APPBP2: variants seen among roughly 807,000 people sequenced by gnomAD.
APPBP2 encodes the protein amyloid protein-binding protein 2.
Under a neutral mutation model 76.0 loss-of-function variants are expected in APPBP2, and 15 were observed. That is an observed-to-expected ratio of 0.20 (90% CI 0.13 to 0.30). The LOEUF (loss-of-function observed/expected upper bound fraction) is 0.30, where lower values mean the gene tolerates loss of function less well. Ranked by LOEUF, APPBP2 falls within the 10% of genes least tolerant of loss-of-function variation. The pLI, the probability that APPBP2 is intolerant of heterozygous loss-of-function variation, is 1.00. For synonymous variants in APPBP2, 222 were observed against 242.2 expected (o/e 0.92, Z 0.77); for missense variants, 401 against 687.2 (o/e 0.58, Z 4.66).
chr17:60,447,843 A>G lies in APPBP2; in HGVS notation c.1505-9T>C. 6.4e-7 allele frequency: 1 copy of G among 1,557,080 alleles called. No homozygotes were observed. The highest frequency in any genetic ancestry group is 8.7e-7 in the Non-Finnish European group (1 of 1,155,744). On this transcript the variant is annotated splice_polypyrimidine_tract_variant and intron_variant, in intron 12 of 12. Coordinates refer to ENST00000083182, the MANE Select transcript of APPBP2 (RefSeq NM_006380.5). ...ACCAAAAAGTTTCTTCCCTGTAACA[A>G]AAAAGAAAAAGGAAAAAAAAAAAAG...
intron 3 of APPBP2, among the ~76,000 whole-genome samples, chr17:60,480,314 A>C (rs1285532154): frequency 6.6e-6 from 1 of 152,124 alleles, no homozygotes; most frequent in Non-Finnish European, 1.5e-5. Flanking sequence ...CAGAGGCTGC[A>C]GTGAGCGGAG....
At chr17:60,483,615 G>C (rs1019909460) in intron 3 of APPBP2, among the ~76,000 whole-genome samples, 19 of 151,944 alleles carry the variant, frequency 1.3e-4, no homozygotes, top group African/African-American at 1.2e-4. Flanking sequence ...GGATGGTCTC[G>C]ATCTCCCGAC....
At chr17:60,522,704 T>C (rs2091019918) in intron 1 of APPBP2, among the ~76,000 whole-genome samples, 1 of 152,046 alleles carries the variant, frequency 6.6e-6, no homozygotes, top group Admixed American at 6.6e-5. Context: ...TTATGCACGG[T>C]GAAGGAGGAA....
chr17:60,523,891 T>C (rs2091029539), intron 1 of APPBP2, among the ~76,000 whole-genome samples: 2 of 152,210 alleles, frequency 1.3e-5, no homozygotes, highest in African/African-American at 2.4e-5. Context: ...ATTAAATTAC[T>C]TAACTTTCTC....
chr17:60,447,345 T>C lies in APPBP2; in HGVS notation c.*236A>G, dbSNP rs553704050. ...AAAGATTTCCTGTTGTTTGTTCTAC[T>C]AGGTTGAAAATGTGGGCCAGACTAC... On this transcript the variant is annotated 3_prime_UTR_variant, in exon 13 of 13. Transcript: ENST00000083182. 1.3e-5 allele frequency: 5 copies of C among 385,972 alleles called. No homozygotes were observed. Among genetic ancestry groups the C allele is most frequent in the Admixed American group, 4.3e-5 (1 of 23,300 alleles). The allele number at this position is 385,972 out of a possible 1,614,324, so 23.9% of individuals were successfully genotyped here. A position where few individuals can be genotyped will look rare whatever the true frequency, so the allele number is the denominator to read the frequency against.
At chr17:60,452,117 A>T in intron 11 of APPBP2, 72 bp from the exon 12 acceptor site, 1 of 1,437,154 alleles carries the variant, frequency 7.0e-7, no homozygotes, top group African/African-American at 1.4e-5. Flanking sequence ...AATGAGCAAA[A>T]CTGATCTAAA....
At position 60,526,151 on chromosome 17, in the gene APPBP2, G is replaced by A; in HGVS notation, c.-220C>T. On this transcript the variant is annotated 5_prime_UTR_variant, in exon 1 of 13. Coordinates refer to ENST00000083182, the MANE Select transcript of APPBP2 (RefSeq NM_006380.5). ...GTAAAAAGTGGGACAGAAAACAGCG[G>A]CCAGCCAGGCCAAAAGCGTCACAAT... 1.8e-6 allele frequency: 1 copy of A among 552,672 alleles called. No individual in the cohort carries two copies. Among genetic ancestry groups the A allele is most frequent in the Non-Finnish European group, 3.3e-6 (1 of 307,650 alleles). The allele number at this position is 552,672 out of a possible 1,614,324, so 34.2% of individuals were successfully genotyped here.
At chr17:60,456,528 C>T (rs1240472794) in intron 9 of APPBP2, 147 bp from the exon 10 acceptor site, 1 of 618,192 alleles carries the variant, frequency 1.6e-6, no homozygotes. Context: ...TTTTAAATTT[C>T]CAATCTGTTG....
At chr17:60,483,602 C>A (rs1180544401) in intron 3 of APPBP2, among the ~76,000 whole-genome samples, 2 of 152,078 alleles carry the variant, frequency 1.3e-5, no homozygotes, top group African/African-American at 4.8e-5. Context: ...ACCATGTTAG[C>A]CAGGATGGTC....
chr17:60,475,721 T>C (rs2090585877), intron 4 of APPBP2, among the ~76,000 whole-genome samples: 1 of 147,152 alleles, frequency 6.8e-6, no homozygotes. Flanking sequence ...AGTCCAGTAG[T>C]TCAAGAAGTT....
rs563165586 is a variant in APPBP2 at position 60,493,561 on chromosome 17, T to C, written c.379+905A>G. ...GTTGCCCAGGCTGGTCTCGAACTCC[T>C]GGGCTCAAGTGATCCTGCCACCTCA... On this transcript the variant is annotated intron_variant, in intron 3 of 12. Transcript: ENST00000083182. Among the ~76,000 whole-genome samples the C allele has an allele frequency of 9.7e-4, 148 of 152,174 alleles. 1 individual carries two copies. Among genetic ancestry groups the C allele is most frequent in the Non-Finnish European group, 1.6e-3 (110 of 67,976 alleles).
chr17:60,457,709 C>T (rs796203369), intron 9 of APPBP2, among the ~76,000 whole-genome samples: 2 of 152,330 alleles, frequency 1.3e-5, no homozygotes, highest in African/African-American at 2.4e-5. Context: ...GGAGTACAGG[C>T]GTGGGCCACC....
chr17:60,485,242 CCT>C (rs1180820285), intron 3 of APPBP2, among the ~76,000 whole-genome samples: 1 of 151,724 alleles, frequency 6.6e-6, no homozygotes, highest in African/African-American at 2.4e-5. Context: ...GGGAGAGTTC[CCT>C]CTCTATTGAT....
In APPBP2 at chr17:60,446,912, T is replaced by A. The variant is rs2090351829; in HGVS notation, c.*669A>T. The A allele has an allele frequency of 6.6e-6, 1 of 152,224 alleles. No homozygotes were observed. Among genetic ancestry groups the A allele is most frequent in the African/African-American group, 2.4e-5 (1 of 41,254 alleles). 9.4% of individuals were successfully genotyped at this position (152,224 alleles called of 1,614,324 possible). Reference sequence around the variant, plus strand: ...CAAATGCTATCAGAGCATCTTGCATTGTTGTACCAAAAAAAAAAAAGTCAG... The same window carrying A: ...CAAATGCTATCAGAGCATCTTGCATAGTTGTACCAAAAAAAAAAAAGTCAG... On this transcript the variant is annotated 3_prime_UTR_variant, in exon 13 of 13. Transcript: ENST00000083182.
rs1052101569 is a variant in APPBP2 at position 60,445,763 on chromosome 17, A to C, written c.*1818T>G. ...CAAGTACGTCAATTTACTCTTTCCA[A>C]AATTTAAAAAGAAAATAATTCGATT... On this transcript the variant is annotated 3_prime_UTR_variant, in exon 13 of 13. Coordinates refer to ENST00000083182, the MANE Select transcript of APPBP2 (RefSeq NM_006380.5). 1.3e-5 allele frequency: 2 copies of C among 152,178 alleles called. No individual in the cohort carries two copies. The highest frequency in any genetic ancestry group is 2.9e-5 in the Non-Finnish European group (2 of 68,032). The allele number at this position is 152,178 out of a possible 1,614,324, so 9.4% of individuals were successfully genotyped here. A position where few individuals can be genotyped will look rare whatever the true frequency, so the allele number is the denominator to read the frequency against.
At position 60,468,992 on chromosome 17, in the gene APPBP2, A is replaced by C. The variant is rs968622879; in HGVS notation, c.504-2533T>G. On this transcript the variant is annotated intron_variant, in intron 4 of 12. Transcript: ENST00000083182. ...AGAGCCTCATCAGCCAGACATGACG[A>C]AAGTAAAATACACTGAAAGTGAACC... Among the ~76,000 whole-genome samples the C allele has an allele frequency of 2.6e-5, 4 of 152,208 alleles. No homozygotes were observed. The South Asian group carries it at 6.2e-4, about 24-fold the overall frequency.
intron 1 of APPBP2, among the ~76,000 whole-genome samples, chr17:60,518,122 A>G (rs2090977675): frequency 7.0e-6 from 1 of 143,228 alleles, no homozygotes; most frequent in African/African-American, 2.6e-5. Context: ...CAGTAGCATG[A>G]TCTTGGCTCA....
Position 60,526,066 on chromosome 17 carries a change from C to G in APPBP2, c.-135G>C, listed in dbSNP as rs1182555446. On this transcript the variant is annotated 5_prime_UTR_variant, in exon 1 of 13. Coordinates refer to ENST00000083182, the MANE Select transcript of APPBP2 (RefSeq NM_006380.5). ...CCACGCGGGCGCACGGCAGAAGGCA[C>G]GGCCGCCCTGCCTCCTCCGGGGGCA... is the stretch of plus-strand genomic sequence containing the variant. 6.1e-6 allele frequency: 5 copies of G among 825,468 alleles called. No individual in the cohort carries two copies. The highest frequency in any genetic ancestry group is 3.5e-5 in the African/African-American group (2 of 57,452). The allele number at this position is 825,468 out of a possible 1,614,324, so 51.1% of individuals were successfully genotyped here.
chr17:60,521,932 C>G (rs73330245), intron 1 of APPBP2, among the ~76,000 whole-genome samples: 1 of 152,056 alleles, frequency 6.6e-6, no homozygotes, highest in African/African-American at 2.4e-5. Flanking sequence ...CAACTGCCTA[C>G]GGTACTCAGT....
Sources: gnomAD v4.1 joint callset for allele counts (sites outside exome capture counted in the v4.1 genomes callset) on GRCh38, gnomAD v4.1.1 for gene constraint, MANE v1.5 for transcripts, NCBI Gene and HGNC (gene_info 2026-07-23, HGNC 2026-07-21) for gene names.